Variants in GPR139 observed in about 807,000 individuals in gnomAD.
GPR139 encodes the protein G protein-coupled receptor 139.
Under a neutral mutation model 25.8 loss-of-function variants are expected in GPR139, and 12 were observed. That is an observed-to-expected ratio of 0.47 (90% CI 0.30 to 0.75). The LOEUF (loss-of-function observed/expected upper bound fraction) is 0.75, where lower values mean the gene tolerates loss of function less well. Among genes scored for constraint, GPR139 ranks in the 30% least tolerant of loss-of-function variants. GPR139 has a pLI of 0.07. For missense variants in GPR139, 380 were observed against 450.2 expected (o/e 0.84, Z 1.41); for synonymous variants, 184 against 179.9 (o/e 1.02, Z -0.18).
At chr16:20,037,349 G>A (rs1324449161) in intron 1 of GPR139, among the ~76,000 whole-genome samples, 1 of 151,910 alleles carries the variant, frequency 6.6e-6, no homozygotes, top group East Asian at 1.9e-4. Flanking sequence ...CTACTCGGGA[G>A]GCTGAGGCAG....
chr16:20,052,915 T>C (rs1479421885), intron 1 of GPR139, among the ~76,000 whole-genome samples: 2 of 152,156 alleles, frequency 1.3e-5, no homozygotes, highest in Admixed American at 6.5e-5. Context: ...GTTTGTTACG[T>C]AGATAAATGG....
chr16:20,041,261 A>T lies in GPR139; in HGVS notation c.128-8592T>A, dbSNP rs8062712. On this transcript the variant is annotated intron_variant, in intron 1 of 1. Transcript: ENST00000570682. ...GAGAGGAGAGGAGAGGGAAGGAGAA[A>T]AGAAAAGCATCTCTCTCTGACAAAG... 8.3e-4 allele frequency among the ~76,000 whole-genome samples: 4 copies of T among 4,802 alleles called. 2 individuals are homozygous for T. Among genetic ancestry groups the T allele is most frequent in the Non-Finnish European group, 3.5e-3 (2 of 576 alleles). 3.2% of individuals were successfully genotyped at this position (4,802 alleles called of 152,430 possible).
At chr16:20,072,844 A>G (rs891609695) in intron 1 of GPR139, among the ~76,000 whole-genome samples, 1 of 152,162 alleles carries the variant, frequency 6.6e-6, no homozygotes, top group African/African-American at 2.4e-5. Context: ...CAGCCACCGC[A>G]GGCTGCCCTG....
intron 1 of GPR139, among the ~76,000 whole-genome samples, chr16:20,051,321 C>A (rs2057371371): frequency 6.6e-6 from 1 of 152,166 alleles, no homozygotes; most frequent in Non-Finnish European, 1.5e-5. Flanking sequence ...CTTGGGTTAG[C>A]AGAGGGAAGG....
At chr16:20,039,341 G>A (rs1390902596) in intron 1 of GPR139, among the ~76,000 whole-genome samples, 4 of 152,168 alleles carry the variant, frequency 2.6e-5, no homozygotes, top group Non-Finnish European at 5.9e-5. Flanking sequence ...GATGACTAAG[G>A]GGTCTCTGCA....
At chr16:20,035,655 G>C (rs183342897) in intron 1 of GPR139, among the ~76,000 whole-genome samples, 15 of 152,358 alleles carry the variant, frequency 9.8e-5, no homozygotes, top group Non-Finnish European at 1.8e-4. Context: ...ATGTTTTGGA[G>C]TAGGAATCAG....
intron 1 of GPR139, among the ~76,000 whole-genome samples, chr16:20,055,343 G>T (rs2057385283): frequency 6.6e-6 from 1 of 152,168 alleles, no homozygotes; most frequent in South Asian, 2.1e-4. Flanking sequence ...ACCAAGGCAG[G>T]CTACATTTGG....
At chr16:20,069,025 A>G (rs1367379547) in intron 1 of GPR139, among the ~76,000 whole-genome samples, 4 of 151,980 alleles carry the variant, frequency 2.6e-5, no homozygotes, top group Non-Finnish European at 5.9e-5. Context: ...AGATTTGCTA[A>G]TATTTTGTTG....
chr16:20,053,718 T>C (rs2057379855), intron 1 of GPR139, among the ~76,000 whole-genome samples: 1 of 152,234 alleles, frequency 6.6e-6, no homozygotes, highest in Admixed American at 6.5e-5. Context: ...GTATCCTGAT[T>C]GGTATCAAGA....
intron 1 of GPR139, among the ~76,000 whole-genome samples, chr16:20,069,222 C>A (rs1267328100): frequency 1.7e-5 from 2 of 121,120 alleles, no homozygotes; most frequent in African/African-American, 2.9e-5. Flanking sequence ...AGTGCTTAGC[C>A]CATTTAATCT....
rs1377692042 is a variant in GPR139 at position 20,049,200 on chromosome 16, G to A, written c.128-16531C>T. On this transcript the variant is annotated intron_variant, in intron 1 of 1. Coordinates refer to ENST00000570682, the MANE Select transcript of GPR139 (RefSeq NM_001002911.4). ...GTATGCACTCCATCAATGTTTGTGGGATGAAAGAGTGATGGATGGATGGAT... is the reference window on the plus strand; with the variant it reads ...GTATGCACTCCATCAATGTTTGTGGAATGAAAGAGTGATGGATGGATGGAT... Among the ~76,000 whole-genome samples the A allele has an allele frequency of 2.6e-5, 4 of 152,180 alleles. 1 individual carries two copies. In the South Asian group the frequency reaches 8.3e-4, roughly 32 times the overall value.
At chr16:20,055,968 G>C (rs539621820) in intron 1 of GPR139, among the ~76,000 whole-genome samples, 3 of 152,220 alleles carry the variant, frequency 2.0e-5, no homozygotes, top group Non-Finnish European at 4.4e-5. Flanking sequence ...GTTTAAAACA[G>C]TATCTAACAT....
intron 1 of GPR139, among the ~76,000 whole-genome samples, chr16:20,065,766 G>GGGA (rs933910630): frequency 6.6e-6 from 1 of 151,900 alleles, no homozygotes; most frequent in Non-Finnish European, 1.5e-5. Context: ...CCAGCTGCCC[G>GGGA]GGAGGCTGAG....
At chr16:20,041,212 A>G (rs1249727498) in intron 1 of GPR139, among the ~76,000 whole-genome samples, 1 of 2,264 alleles carries the variant, frequency 4.4e-4, no homozygotes, top group African/African-American at 2.5e-3. Flanking sequence ...AGAGGAGAGG[A>G]GAGGAGAGGA....
At chr16:20,049,751 A>G (rs1000428912) in intron 1 of GPR139, among the ~76,000 whole-genome samples, 1 of 152,118 alleles carries the variant, frequency 6.6e-6, no homozygotes, top group African/African-American at 2.4e-5. Flanking sequence ...TTACTTAAAC[A>G]CTCCATGCCT....
rs544532845 is a variant in GPR139 at position 20,070,810 on chromosome 16, G to A, written c.127+2680C>T. ...GTTACTCCACACCCAGCAAAGCTGC[G>A]TCTCCCAGTCAGTGGTGGAGTAATG... On this transcript the variant is annotated intron_variant, in intron 1 of 1. Coordinates refer to ENST00000570682, the MANE Select transcript of GPR139 (RefSeq NM_001002911.4). 143 of 243,728 alleles carry A rather than the reference G, an allele frequency of 5.9e-4. 2 individuals carry two copies. The highest frequency in any genetic ancestry group is 1.9e-4 in the African/African-American group (8 of 43,132). The allele number at this position is 243,728 out of a possible 1,614,324, so 15.1% of individuals were successfully genotyped here.
intron 1 of GPR139, among the ~76,000 whole-genome samples, chr16:20,059,871 C>A (rs559385298): frequency 6.8e-4 from 104 of 152,242 alleles, no homozygotes; most frequent in Non-Finnish European, 1.1e-3. Flanking sequence ...CCAGGTGTGC[C>A]CCATCCCTAA....
chr16:20,041,406 G>A (rs189431317), intron 1 of GPR139, among the ~76,000 whole-genome samples: 4 of 151,538 alleles, frequency 2.6e-5, no homozygotes, highest in Admixed American at 1.3e-4. Flanking sequence ...TGGATTTTTA[G>A]GAAGATCAAT....
At position 20,041,252 on chromosome 16, in the gene GPR139, GAAGGAGAAA is replaced by G. The variant is rs1352181934; in HGVS notation, c.128-8592_128-8584del. ...AGAGGAGAGGAGAGGAGAGGAGAGGGAAGGAGAAAAGAAAAGCATCTCTCTCTGACAAAG... is the reference window on the plus strand; with the variant it reads ...AGAGGAGAGGAGAGGAGAGGAGAGGGAGAAAAGCATCTCTCTCTGACAAAG... On this transcript the variant is annotated intron_variant, in intron 1 of 1. Coordinates refer to ENST00000570682, the MANE Select transcript of GPR139 (RefSeq NM_001002911.4). Among the ~76,000 whole-genome samples the G allele has an allele frequency of 6.7e-3, 6 of 890 alleles. 2 individuals are homozygous for G. The highest frequency in any genetic ancestry group is 0.017 in the East Asian group (1 of 58). The allele number at this position is 890 out of a possible 152,430, so 0.6% of individuals were successfully genotyped here.
Sources: gnomAD v4.1 joint callset for allele counts (sites outside exome capture counted in the v4.1 genomes callset) on GRCh38, gnomAD v4.1.1 for gene constraint, MANE v1.5 for transcripts, NCBI Gene and HGNC (gene_info 2026-07-23, HGNC 2026-07-21) for gene names.